Variants in C9orf43 observed in about 807,000 individuals in gnomAD.
C9orf43 encodes the protein uncharacterized protein C9orf43.
Under a neutral mutation model 59.1 loss-of-function variants are expected in C9orf43, and 45 were observed. That is an observed-to-expected ratio of 0.76 (90% confidence interval 0.60 to 0.98). The LOEUF (loss-of-function observed/expected upper bound fraction) is 0.98, where lower values mean the gene tolerates loss of function less well. Among genes scored for constraint, C9orf43 ranks in the 50% least tolerant of loss-of-function variants. The pLI, the probability that C9orf43 is intolerant of heterozygous loss-of-function variation, is 0.00. For missense variants in C9orf43, 533 were observed against 554.9 expected (o/e 0.96, Z 0.40); for synonymous variants, 203 against 196.8 (o/e 1.03, Z -0.26).
At chr9:113,426,116 C>T (rs1828783918) in intron 11 of C9orf43, among the ~76,000 whole-genome samples, 1 of 152,142 alleles carries the variant, frequency 6.6e-6, no homozygotes, top group Non-Finnish European at 1.5e-5. Context: ...TGGGGCCCCT[C>T]ACTAGAACCC....
intron 1 of C9orf43, among the ~76,000 whole-genome samples, chr9:113,412,071 A>G (rs1409226869): frequency 1.3e-5 from 2 of 152,196 alleles, no homozygotes; most frequent in Non-Finnish European, 2.9e-5. Context: ...CTGATTATAG[A>G]GAAATATTTT....
chr9:113,424,520 C>CTTTTTTTTTT (rs567805386), intron 8 of C9orf43, among the ~76,000 whole-genome samples: 8 of 139,638 alleles, frequency 5.7e-5, no homozygotes, highest in Non-Finnish European at 9.4e-5. Context: ...CTATTTCTTT[C>CTTTTTTTTTT]TTTTTTTTTT....
At chr9:113,424,884 CT>C (rs1320160279) in intron 8 of C9orf43, 134 bp from the exon 9 acceptor site, 94 of 710,180 alleles carry the variant, frequency 1.3e-4, no homozygotes, top group Middle Eastern at 4.8e-4. Flanking sequence ...TCCGTAGCCC[CT>C]GGTACAATGC....
chr9:113,417,912 T>C (rs926933291), intron 3 of C9orf43, among the ~76,000 whole-genome samples: 3 of 152,236 alleles, frequency 2.0e-5, no homozygotes, highest in African/African-American at 7.2e-5. Context: ...TATCTTTTTT[T>C]TGTTTTTAAA....
chr9:113,421,227 G>A (rs567602460), intron 5 of C9orf43, 24 bp downstream of exon 5: 1 of 1,528,708 alleles, frequency 6.5e-7, no homozygotes, highest in East Asian at 2.3e-5. Flanking sequence ...CTGGAACTCA[G>A]AGGACTTTGA....
chr9:113,426,435 C>T (rs1385913110), intron 11 of C9orf43, among the ~76,000 whole-genome samples: 2 of 152,160 alleles, frequency 1.3e-5, no homozygotes, highest in African/African-American at 2.4e-5. Context: ...TTTGGAGGAT[C>T]GTTGTGCCCG....
chr9:113,415,450 A>T (rs1162260902), intron 3 of C9orf43, among the ~76,000 whole-genome samples: 2 of 152,054 alleles, frequency 1.3e-5, no homozygotes, highest in Non-Finnish European at 2.9e-5. Flanking sequence ...ACAGTAAAAA[A>T]CTCATATCCT....
intron 4 of C9orf43, among the ~76,000 whole-genome samples, chr9:113,419,839 G>A (rs1040130603): frequency 1.3e-5 from 2 of 152,164 alleles, no homozygotes; most frequent in Non-Finnish European, 2.9e-5. Context: ...CTAGTTAGGG[G>A]TAGAGCTAAA....
chr9:113,427,752 G>A (rs980363051), intron 11 of C9orf43, among the ~76,000 whole-genome samples: 2 of 152,184 alleles, frequency 1.3e-5, no homozygotes, highest in African/African-American at 4.8e-5. Context: ...GACTAGTTGG[G>A]GAAGCAGCTG....
chr9:113,421,188 C>A lies in C9orf43; in HGVS notation c.431C>A (p.Thr144Lys), dbSNP rs758317850. 2.5e-6 allele frequency: 4 copies of A among 1,610,956 alleles called. No individual in the cohort carries two copies. The Admixed American group carries it at 5.0e-5, about 20-fold the overall frequency. Residue 144 changes from threonine to lysine, a missense_variant, in exon 5 of 14, where the codon ACA (threonine) becomes AAA (lysine). By Grantham distance (78) the Thr-to-Lys change is moderately conservative. Coordinates refer to ENST00000374165, the MANE Select transcript of C9orf43 (RefSeq NM_001278629.2). ...GTTGTATTGTGGATCCCAGAAGAAA[C>A]AGAGATACATGTGAGGTGAGTATCA... ...NMVVLWIPEE[T>K]EIHVSQHGKK...
chr9:113,427,783 T>G (rs1828843422), intron 11 of C9orf43, among the ~76,000 whole-genome samples: 1 of 152,162 alleles, frequency 6.6e-6, no homozygotes. Flanking sequence ...AACATAAAAC[T>G]AGAGGTTTTT....
At chr9:113,423,521 G>A (rs1828670420) in intron 7 of C9orf43, 23 bp downstream of exon 7, 2 of 1,600,754 alleles carry the variant, frequency 1.2e-6, no homozygotes, top group African/African-American at 1.3e-5. Flanking sequence ...TAGGTCTGTG[G>A]GAGAGCCAGA....
intron 6 of C9orf43, 73 bp downstream of exon 6, chr9:113,422,658 T>C: frequency 6.5e-7 from 1 of 1,542,388 alleles, no homozygotes; most frequent in Non-Finnish European, 8.9e-7. Flanking sequence ...CTTTCAGGTC[T>C]CCTCCACCTT....
Position 113,423,447 on chromosome 9 carries a change from T to C in C9orf43, c.605T>C (p.Phe202Ser). 6.2e-7 allele frequency: 1 copy of C among 1,614,086 alleles called. No homozygotes were observed. Among genetic ancestry groups the C allele is most frequent in the African/African-American group, 1.3e-5 (1 of 75,028 alleles). The change falls in exon 7 of 14, where the codon TTC (phenylalanine) becomes TCC (serine). Residue 202 changes from phenylalanine (F) to serine (S), a missense_variant. By Grantham distance (155) the Phe-to-Ser change is radical. Coordinates refer to ENST00000374165, the MANE Select transcript of C9orf43 (RefSeq NM_001278629.2). ...TTGTCTGAACAATTCAGTTCAGATT[T>C]CCTACCTCTCTGGGCTCAATCCGAA... ...VQLSEQFSSD[F>S]LPLWAQSEAL...
In C9orf43 at chr9:113,421,106, C is replaced by T; in HGVS notation, c.349C>T (p.Pro117Ser). ...AGGCTTTATATCTTTCTCTTAGTTT[C>T]CAGTGTTGAATTTGAATGAGACGCA... ...INCTNRLPKFPVLNLNETQLP... is the reference protein window; with the variant it reads ...INCTNRLPKFSVLNLNETQLP... The change falls in exon 5 of 14, where the codon CCA (proline) becomes TCA (serine). Residue 117 changes from proline to serine, a missense_variant. Physicochemically the swap from Pro to Ser is moderately conservative, Grantham distance 74 (BLOSUM62 -1). Transcript: ENST00000374165. 6.2e-7 allele frequency: 1 copy of T among 1,612,280 alleles called. No homozygotes were observed. Among genetic ancestry groups the T allele is most frequent in the Non-Finnish European group, 8.5e-7 (1 of 1,178,532 alleles).
At position 113,412,618 on chromosome 9, in the gene C9orf43, C is replaced by T. The variant is rs149550079; in HGVS notation, c.-49-827C>T. Reference sequence around the variant, plus strand: ...TGAACACCTCCCATGAATAAAAGTACATTATCTCATTTAATGCTTCTGCAG... The same window carrying T: ...TGAACACCTCCCATGAATAAAAGTATATTATCTCATTTAATGCTTCTGCAG... On this transcript the variant is annotated intron_variant, in intron 1 of 13. Coordinates refer to ENST00000374165, the MANE Select transcript of C9orf43 (RefSeq NM_001278629.2). Among the ~76,000 whole-genome samples the T allele has an allele frequency of 5.3e-4, 81 of 152,314 alleles. 1 individual carries two copies. In the East Asian group the frequency reaches 0.014, roughly 27 times the overall value.
Position 113,423,351 on chromosome 9 carries a change from C to G in C9orf43, c.509C>G (p.Ser170Cys). ...AAAAGCAAGTCATTTCTGGGTCTCT[C>G]TGGAAATCAGTCCGCAGGAACACGA... ...AVKSKSFLGL[S>C]GNQSAGTRVG... Residue 170 changes from serine (S) to cysteine (C), a missense_variant, in exon 7 of 14, where the codon TCT becomes TGT. Physicochemically the swap from Ser to Cys is moderately radical, Grantham distance 112. Transcript: ENST00000374165. 1 of 1,614,072 alleles carries G rather than the reference C, an allele frequency of 6.2e-7. No individual in the cohort carries two copies. The highest frequency in any genetic ancestry group is 1.1e-5 in the South Asian group (1 of 91,064).
chr9:113,415,730 G>A (rs1434987010), intron 3 of C9orf43, among the ~76,000 whole-genome samples: 1 of 151,942 alleles, frequency 6.6e-6, no homozygotes, highest in Non-Finnish European at 1.5e-5. Flanking sequence ...GTGCTTGCTG[G>A]TACATGAAAC....
chr9:113,418,762 C>T (rs1047118481), intron 3 of C9orf43, among the ~76,000 whole-genome samples: 5 of 151,900 alleles, frequency 3.3e-5, no homozygotes, highest in African/African-American at 7.2e-5. Context: ...ATGTATATAC[C>T]GCATTTTATT....
Sources: gnomAD v4.1 joint callset for allele counts (sites outside exome capture counted in the v4.1 genomes callset) on GRCh38, gnomAD v4.1.1 for gene constraint, MANE v1.5 for transcripts, NCBI Gene and HGNC (gene_info 2026-07-23, HGNC 2026-07-21) for gene names.